The following TGFBR2 variants were observed in gnomAD, a reference collection of about 807,000 sequenced individuals.
The protein encoded by TGFBR2 is transforming growth factor beta receptor 2.
TGFBR2 carries 18 observed loss-of-function variants against 49.0 expected under a neutral mutation model. The ratio of observed to expected loss-of-function variants is 0.37; its 90% CI spans 0.25 to 0.54. The LOEUF (loss-of-function observed/expected upper bound fraction) is 0.54. TGFBR2 is among the 20% of genes least tolerant of loss of function. TGFBR2 has a pLI of 0.85. For synonymous variants in TGFBR2, 282 were observed against 275.9 expected (o/e 1.02, Z -0.22); for missense variants, 525 against 722.6 (o/e 0.73, Z 3.13).
At chr3:30,637,270 A>G (rs1261883420) in intron 1 of TGFBR2, among the ~76,000 whole-genome samples, 1 of 152,166 alleles carries the variant, frequency 6.6e-6, no homozygotes, top group Non-Finnish European at 1.5e-5. Flanking sequence ...ACTTAGGACT[A>G]GTAATTGCTA....
intron 5 of TGFBR2, among the ~76,000 whole-genome samples, chr3:30,675,673 C>T (rs886295246): frequency 9.9e-5 from 15 of 152,220 alleles, no homozygotes; most frequent in African/African-American, 3.4e-4. Flanking sequence ...GCGTGAGCCA[C>T]TGCACCCAGC....
intron 1 of TGFBR2, among the ~76,000 whole-genome samples, chr3:30,634,057 A>G (rs145390742): frequency 3.5e-4 from 54 of 152,236 alleles, no homozygotes; most frequent in African/African-American, 1.3e-3. Context: ...TAATTGAAAA[A>G]CCTTTCAGGT....
upstream of TGFBR2, chr3:30,606,428 G>T (rs145078976): frequency 1.4e-3 from 323 of 231,878 alleles, 6 homozygotes; most frequent in East Asian, 0.019. Flanking sequence ...GCTGAAAGTC[G>T]GCCAAAGCTC....
In TGFBR2 at chr3:30,606,677, C is replaced by T. The variant is rs1697924455; in HGVS notation, c.-207C>T. ...GGAGCCGGACTCCTGTGCAGCTTCC[C>T]TCGGCCGCCGGGGGCCTCCCCGCGC... On this transcript the variant is annotated 5_prime_UTR_variant, in exon 1 of 7. Coordinates refer to ENST00000295754, the MANE Select transcript of TGFBR2 (RefSeq NM_003242.6). 5.2e-6 allele frequency: 2 copies of T among 381,250 alleles called. No homozygotes were observed. Among genetic ancestry groups the T allele is most frequent in the African/African-American group, 4.1e-5 (2 of 48,212 alleles). The allele number at this position is 381,250 out of a possible 1,614,324, so 23.6% of individuals were successfully genotyped here. A position where few individuals can be genotyped will look rare whatever the true frequency, so the allele number is the denominator to read the frequency against.
chr3:30,642,097 C>G (rs924381616), intron 1 of TGFBR2, among the ~76,000 whole-genome samples: 5 of 152,174 alleles, frequency 3.3e-5, no homozygotes, highest in African/African-American at 1.2e-4. Flanking sequence ...TCTGTCTTAT[C>G]TATCGCTGCT....
At chr3:30,607,252 G>A (rs1417794569) in intron 1 of TGFBR2, among the ~76,000 whole-genome samples, 1 of 152,244 alleles carries the variant, frequency 6.6e-6, no homozygotes, top group Non-Finnish European at 1.5e-5. Flanking sequence ...CGCGTTCGAG[G>A]CGAGCCCCCA....
At chr3:30,688,255 T>C in intron 5 of TGFBR2, 129 bp from the exon 6 acceptor site, 1 of 1,218,258 alleles carries the variant, frequency 8.2e-7, no homozygotes, top group South Asian at 1.2e-5. Context: ...AAATTTGCTC[T>C]TAGAGTAATT....
intron 5 of TGFBR2, among the ~76,000 whole-genome samples, chr3:30,674,928 G>A (rs1699409666): frequency 6.6e-6 from 1 of 151,794 alleles, no homozygotes; most frequent in African/African-American, 2.4e-5. Context: ...TAGCCTCCCA[G>A]GTGCCCTCTG....
At chr3:30,649,028 C>A (rs756378421) in intron 2 of TGFBR2, among the ~76,000 whole-genome samples, 1 of 152,012 alleles carries the variant, frequency 6.6e-6, no homozygotes, top group Non-Finnish European at 1.5e-5. Flanking sequence ...GAGCAGTGAG[C>A]CTTTGTGCAT....
intron 1 of TGFBR2, among the ~76,000 whole-genome samples, chr3:30,614,915 G>A (rs1290516922): frequency 2.6e-5 from 4 of 152,126 alleles, no homozygotes; most frequent in East Asian, 1.9e-4. Flanking sequence ...AAGACTAGAG[G>A]TTAAGAGAAA....
intron 3 of TGFBR2, among the ~76,000 whole-genome samples, chr3:30,660,035 A>C (rs1258737081): frequency 6.6e-6 from 1 of 152,176 alleles, no homozygotes; most frequent in Admixed American, 6.5e-5. Context: ...TCGCTCCTGC[A>C]TGTTACCTGT....
At chr3:30,632,969 A>C (rs1443445777) in intron 1 of TGFBR2, among the ~76,000 whole-genome samples, 1 of 152,224 alleles carries the variant, frequency 6.6e-6, no homozygotes, top group Non-Finnish European at 1.5e-5. Context: ...GCTTTTGTCT[A>C]AGAAACTTAT....
chr3:30,642,683 G>A (rs58601830), intron 1 of TGFBR2, among the ~76,000 whole-genome samples: 47,548 of 151,990 alleles, frequency 0.31, 7,826 homozygotes, highest in East Asian at 0.68. Flanking sequence ...CAAAAAATAC[G>A]TATGTATGAA....
intron 2 of TGFBR2, among the ~76,000 whole-genome samples, chr3:30,645,549 A>C (rs1698715704): frequency 1.4e-5 from 2 of 144,994 alleles, no homozygotes; most frequent in African/African-American, 5.1e-5. Context: ...GCCATGGCAC[A>C]ATCTTGGCTC....
intron 1 of TGFBR2, among the ~76,000 whole-genome samples, chr3:30,614,372 A>G (rs1216754511): frequency 1.3e-5 from 2 of 152,154 alleles, no homozygotes; most frequent in East Asian, 1.9e-4. Context: ...GGTTGAACCA[A>G]CATGAATGCC....
chr3:30,689,324 G>A (rs1260657424), intron 6 of TGFBR2, among the ~76,000 whole-genome samples: 1 of 152,160 alleles, frequency 6.6e-6, no homozygotes, highest in African/African-American at 2.4e-5. Flanking sequence ...ACACACCCAG[G>A]AAGGAGCCCT....
chr3:30,631,482 C>T, intron 1 of TGFBR2, among the ~76,000 whole-genome samples: 1 of 152,148 alleles, frequency 6.6e-6, no homozygotes, highest in Non-Finnish European at 1.5e-5. Context: ...GAAGATCAAC[C>T]TTACACTTTT....
intron 1 of TGFBR2, among the ~76,000 whole-genome samples, chr3:30,607,752 C>G (rs995759063): frequency 6.7e-6 from 1 of 148,506 alleles, no homozygotes; most frequent in African/African-American, 2.5e-5. Context: ...GGCTACCCAC[C>G]TGATCGCTGT....
chr3:30,670,902 A>G (rs1388560285), intron 3 of TGFBR2, among the ~76,000 whole-genome samples: 3 of 152,268 alleles, frequency 2.0e-5, no homozygotes, highest in Non-Finnish European at 4.4e-5. Context: ...ATAACTGTCC[A>G]AAGAGATCCT....
Sources: gnomAD v4.1 joint callset for allele counts (sites outside exome capture counted in the v4.1 genomes callset) on GRCh38, gnomAD v4.1.1 for gene constraint, MANE v1.5 for transcripts, NCBI Gene and HGNC (gene_info 2026-07-23, HGNC 2026-07-21) for gene names.